The following LHFPL3 variants were observed in gnomAD, a reference collection of about 807,000 sequenced individuals.
The protein encoded by LHFPL3 is LHFPL tetraspan subfamily member 3.
LHFPL3 carries 5 observed loss-of-function variants against 19.3 expected under a neutral mutation model. That is an observed-to-expected ratio of 0.26 (90% CI 0.14 to 0.54). LHFPL3 has a LOEUF of 0.54. Among genes scored for constraint, LHFPL3 ranks in the 20% least tolerant of loss-of-function variants. The pLI is 0.94. For synonymous variants in LHFPL3, 133 were observed against 126.2 expected, an observed-to-expected ratio of 1.05 and a Z score of -0.36; for missense variants, 249 against 307.4, an observed-to-expected ratio of 0.81 and a Z score of 1.42.
At chr7:104,746,576 T>TA (rs1173090463) in intron 2 of LHFPL3, among the ~76,000 whole-genome samples, 5 of 152,276 alleles carry the variant, frequency 3.3e-5, no homozygotes, top group East Asian at 3.9e-4. Context: ...AATCACAGGC[T>TA]AAAAAAATCA....
At chr7:104,898,006 CTTTTTTT>C (rs71155536) in intron 2 of LHFPL3, among the ~76,000 whole-genome samples, 1 of 96,806 alleles carries the variant, frequency 1.0e-5, no homozygotes, top group Non-Finnish European at 1.9e-5. Flanking sequence ...AATGTCACCC[CTTTTTTT>C]TTTTTTTTTT....
chr7:104,897,171 C>CATTTT (rs1792380754), intron 2 of LHFPL3, among the ~76,000 whole-genome samples: 1 of 152,112 alleles, frequency 6.6e-6, no homozygotes, highest in Non-Finnish European at 1.5e-5. Context: ...TTCTATTTAG[C>CATTTT]AGTCTCTGGC....
At chr7:104,754,406 A>G (rs535574436) in intron 2 of LHFPL3, among the ~76,000 whole-genome samples, 40 of 152,336 alleles carry the variant, frequency 2.6e-4, no homozygotes, top group African/African-American at 9.1e-4. Context: ...GGATTCAACA[A>G]GAAAGGACAG....
At chr7:104,444,271 C>G (rs1391928627) in intron 1 of LHFPL3, among the ~76,000 whole-genome samples, 2 of 152,188 alleles carry the variant, frequency 1.3e-5, no homozygotes, top group East Asian at 1.9e-4. Context: ...AGGTGCACAT[C>G]TCTGTAGAAA....
chr7:104,556,395 G>A (rs1346196044), intron 1 of LHFPL3, among the ~76,000 whole-genome samples: 2 of 152,168 alleles, frequency 1.3e-5, no homozygotes, highest in East Asian at 1.9e-4. Flanking sequence ...TGACTTCTGT[G>A]CACCCACAGG....
At chr7:104,524,415 A>C (rs151028793) in intron 1 of LHFPL3, among the ~76,000 whole-genome samples, 29 of 152,288 alleles carry the variant, frequency 1.9e-4, no homozygotes, top group African/African-American at 7.0e-4. Flanking sequence ...TTTGCTTCCT[A>C]ATTTTATGGG....
chr7:104,837,977 C>CAATT (rs1458251817), intron 2 of LHFPL3, among the ~76,000 whole-genome samples: 1 of 152,138 alleles, frequency 6.6e-6, no homozygotes, highest in African/African-American at 2.4e-5. Flanking sequence ...TATTAACAAA[C>CAATT]AATTATAACC....
At chr7:104,832,837 C>T (rs1442533455) in intron 2 of LHFPL3, among the ~76,000 whole-genome samples, 3 of 145,500 alleles carry the variant, frequency 2.1e-5, no homozygotes, top group Non-Finnish European at 3.0e-5. Context: ...ATTAGCTAGG[C>T]GTGGTGGCAT....
intron 1 of LHFPL3, among the ~76,000 whole-genome samples, chr7:104,512,742 A>C (rs78850794): frequency 6.7e-6 from 1 of 149,854 alleles, no homozygotes; most frequent in Admixed American, 6.7e-5. Context: ...TTCTCAAAAG[A>C]AAAAAAAAAG....
At chr7:104,788,717 T>C (rs1192840560) in intron 2 of LHFPL3, among the ~76,000 whole-genome samples, 1 of 152,164 alleles carries the variant, frequency 6.6e-6, no homozygotes, top group Non-Finnish European at 1.5e-5. Context: ...ACATCAACAA[T>C]TGGAGCATGT....
At chr7:104,559,058 T>C (rs1422478560) in intron 1 of LHFPL3, among the ~76,000 whole-genome samples, 6 of 148,214 alleles carry the variant, frequency 4.0e-5, no homozygotes, top group Non-Finnish European at 9.0e-5. Context: ...TTGGTACCAG[T>C]ACCATGCTGT....
At chr7:104,715,674 G>A (rs183116830) in intron 1 of LHFPL3, among the ~76,000 whole-genome samples, 1 of 152,228 alleles carries the variant, frequency 6.6e-6, no homozygotes, top group East Asian at 1.9e-4. Context: ...CCATTATTCT[G>A]TTATTGTGGC....
chr7:104,406,814 G>A (rs1791424819), intron 1 of LHFPL3, among the ~76,000 whole-genome samples: 1 of 152,244 alleles, frequency 6.6e-6, no homozygotes, highest in Admixed American at 6.5e-5. Flanking sequence ...GATTCAAAAA[G>A]GCAAAACAGA....
intron 1 of LHFPL3, among the ~76,000 whole-genome samples, chr7:104,703,867 AGT>A (rs1237528436): frequency 6.6e-6 from 1 of 151,942 alleles, no homozygotes; most frequent in Non-Finnish European, 1.5e-5. Context: ...TTAATTCGGA[AGT>A]GCTGATCAAT....
intron 1 of LHFPL3, among the ~76,000 whole-genome samples, chr7:104,595,436 T>C (rs10266389): frequency 0.97 from 147,315 of 152,258 alleles, 71,433 homozygotes; most frequent in East Asian, 1. Flanking sequence ...CTGGAAGCTT[T>C]GTCCCAGAGA....
intron 1 of LHFPL3, chr7:104,470,148 G>T: frequency 4.5e-6 from 2 of 449,380 alleles, no homozygotes; most frequent in Non-Finnish European, 9.0e-6. Context: ...TGTTGTTGGG[G>T]ATTCTTTTCC....
At chr7:104,622,612 C>T (rs1035064585) in intron 1 of LHFPL3, among the ~76,000 whole-genome samples, 2 of 152,168 alleles carry the variant, frequency 1.3e-5, no homozygotes, top group Admixed American at 1.3e-4. Context: ...CCCCTTTCTT[C>T]TTTGCCTCCT....
intron 1 of LHFPL3, among the ~76,000 whole-genome samples, chr7:104,569,816 A>G (rs560785510): frequency 2.0e-5 from 3 of 152,296 alleles, no homozygotes; most frequent in South Asian, 2.1e-4. Context: ...GCCCCAGGTC[A>G]CGTAACCTGT....
intron 1 of LHFPL3, among the ~76,000 whole-genome samples, chr7:104,665,731 T>G (rs182626833): frequency 1.5e-3 from 225 of 152,378 alleles, no homozygotes; most frequent in African/African-American, 5.2e-3. Flanking sequence ...TTCAGATGCA[T>G]GAAAGATGAC....
Sources: allele counts gnomAD v4.1 joint callset (sites outside exome capture counted in the v4.1 genomes callset), GRCh38; gene constraint gnomAD v4.1.1; transcripts MANE v1.5; gene names NCBI Gene and HGNC (gene_info 2026-07-23, HGNC 2026-07-21).